The following STIM1 variants were observed in gnomAD, a reference collection of about 807,000 sequenced individuals.
The protein encoded by STIM1 is stromal interaction molecule 1.
Under a neutral mutation model 74.7 loss-of-function variants are expected in STIM1, and 25 were observed. The ratio of observed to expected loss-of-function variants is 0.33; its 90% CI spans 0.24 to 0.47. STIM1 has a LOEUF of 0.47. STIM1 is among the 20% of genes least tolerant of loss of function. STIM1 has a pLI of 1.00. For missense variants in STIM1, 728 were observed against 920.8 expected (o/e 0.79, Z 2.71); for synonymous variants, 328 against 348.8 (o/e 0.94, Z 0.66).
chr11:4,033,501 CT>C (rs554429875), intron 3 of STIM1, among the ~76,000 whole-genome samples: 2 of 150,586 alleles, frequency 1.3e-5, no homozygotes, highest in Non-Finnish European at 3.0e-5. Flanking sequence ...CAATCTGATG[CT>C]TTTTTTTTCT....
intron 1 of STIM1, among the ~76,000 whole-genome samples, chr11:3,882,177 G>T (rs757248474): frequency 1.7e-4 from 23 of 133,562 alleles, no homozygotes; most frequent in Non-Finnish European, 3.4e-4. Flanking sequence ...TTGGCTCACC[G>T]CAACCTCTGT....
At chr11:4,010,398 T>C (rs2093824314) in intron 2 of STIM1, among the ~76,000 whole-genome samples, 2 of 151,988 alleles carry the variant, frequency 1.3e-5, no homozygotes, top group South Asian at 4.2e-4. Context: ...CTCAAACTCC[T>C]GACCTCAGGT....
intron 1 of STIM1, among the ~76,000 whole-genome samples, chr11:3,951,704 C>T (rs772965593): frequency 1.5e-4 from 23 of 152,152 alleles, no homozygotes; most frequent in Non-Finnish European, 2.9e-4. Flanking sequence ...GACATGCCCC[C>T]TAGGTGTTGT....
intron 2 of STIM1, among the ~76,000 whole-genome samples, chr11:3,970,255 T>C (rs1379673001): frequency 1.3e-5 from 2 of 152,186 alleles, no homozygotes; most frequent in African/African-American, 4.8e-5. Context: ...TCTTTTTCAG[T>C]ATAGTTTTTG....
At chr11:3,960,827 T>C (rs1199612052) in intron 1 of STIM1, among the ~76,000 whole-genome samples, 2 of 152,208 alleles carry the variant, frequency 1.3e-5, no homozygotes, top group Non-Finnish European at 2.9e-5. Context: ...AGCCAGACAT[T>C]TAAAAGATTT....
chr11:3,879,553 A>G (rs2091424175), intron 1 of STIM1, among the ~76,000 whole-genome samples: 1 of 152,132 alleles, frequency 6.6e-6, no homozygotes, highest in South Asian at 2.1e-4. Context: ...ACTGTTTAAG[A>G]CCTGTCTTTT....
chr11:3,877,727 C>G (rs952234985), intron 1 of STIM1, among the ~76,000 whole-genome samples: 2 of 152,254 alleles, frequency 1.3e-5, no homozygotes, highest in South Asian at 4.1e-4. Context: ...TCAGGCATTC[C>G]CAGAACTGTT....
chr11:3,897,867 G>C (rs578241641), intron 1 of STIM1, among the ~76,000 whole-genome samples: 1 of 152,050 alleles, frequency 6.6e-6, no homozygotes, highest in Non-Finnish European at 1.5e-5. Context: ...TGGCTGCATA[G>C]TATTCCATGG....
chr11:4,075,217 A>C (rs1162078216), intron 7 of STIM1, among the ~76,000 whole-genome samples: 1 of 152,222 alleles, frequency 6.6e-6, no homozygotes, highest in Non-Finnish European at 1.5e-5. Flanking sequence ...AGAACAGTGG[A>C]TAATAGGTGA....
At chr11:3,918,420 T>C (rs12290747) in intron 1 of STIM1, among the ~76,000 whole-genome samples, 36,829 of 151,362 alleles carry the variant, frequency 0.24, 5,620 homozygotes, top group South Asian at 0.46. Flanking sequence ...AGGAGACTTG[T>C]ACCTGTAGTC....
At chr11:3,871,208 C>G (rs1262152095) in intron 1 of STIM1, among the ~76,000 whole-genome samples, 1 of 152,124 alleles carries the variant, frequency 6.6e-6, no homozygotes, top group Non-Finnish European at 1.5e-5. Flanking sequence ...TGATTAATAT[C>G]CCCTTCCCTC....
chr11:3,877,320 C>G (rs147423840), intron 1 of STIM1, among the ~76,000 whole-genome samples: 1,821 of 152,082 alleles, frequency 0.012, 32 homozygotes, highest in African/African-American at 0.04. Flanking sequence ...AATTGGTATG[C>G]CTTGCTTCTC....
At chr11:3,894,879 C>G (rs1057030768) in intron 1 of STIM1, among the ~76,000 whole-genome samples, 2 of 150,488 alleles carry the variant, frequency 1.3e-5, no homozygotes, top group African/African-American at 4.9e-5. Context: ...TCTGGCATTA[C>G]AGGCATGTGC....
chr11:3,941,144 T>TA (rs2092999853), intron 1 of STIM1, among the ~76,000 whole-genome samples: 1 of 152,208 alleles, frequency 6.6e-6, no homozygotes, highest in Non-Finnish European at 1.5e-5. Flanking sequence ...TTTTTATTGT[T>TA]ATTATTTAAA....
chr11:4,084,483 A>T (rs2094481646), intron 10 of STIM1, among the ~76,000 whole-genome samples, 190 bp from the exon 11 acceptor site: 1 of 152,224 alleles, frequency 6.6e-6, no homozygotes, highest in Non-Finnish European at 1.5e-5. Flanking sequence ...GGACAGGATC[A>T]CTGACAGGCA....
At chr11:3,914,858 A>G (rs2092619919) in intron 1 of STIM1, among the ~76,000 whole-genome samples, 1 of 152,154 alleles carries the variant, frequency 6.6e-6, no homozygotes, top group Non-Finnish European at 1.5e-5. Context: ...ACCATTTTAC[A>G]TTCCCATCAG....
intron 3 of STIM1, among the ~76,000 whole-genome samples, chr11:4,051,803 C>T (rs1326824954): frequency 6.6e-6 from 1 of 152,166 alleles, no homozygotes; most frequent in Non-Finnish European, 1.5e-5. Context: ...TGCACCACCA[C>T]ACCTGGCTAA....
intron 3 of STIM1, among the ~76,000 whole-genome samples, chr11:4,051,640 C>T (rs1489062563): frequency 4.0e-5 from 6 of 151,820 alleles, no homozygotes; most frequent in East Asian, 1.9e-4. Flanking sequence ...ACTGCCTGGC[C>T]ATAAATTATC....
At chr11:4,012,518 C>A (rs1353153347) in intron 2 of STIM1, among the ~76,000 whole-genome samples, 1 of 152,038 alleles carries the variant, frequency 6.6e-6, no homozygotes, top group African/African-American at 2.4e-5. Flanking sequence ...TGATTTGGCT[C>A]TCTGTTTGTC....
Sources: allele counts gnomAD v4.1 joint callset (sites outside exome capture counted in the v4.1 genomes callset), GRCh38; gene constraint gnomAD v4.1.1; transcripts MANE v1.5; gene names NCBI Gene and HGNC (gene_info 2026-07-23, HGNC 2026-07-21).